Variants in NOMO3 observed in about 807,000 individuals in gnomAD.
NOMO3 encodes BOS complex subunit NOMO3.
In NOMO3, 15 loss-of-function variants were observed where a neutral mutation model predicts 69.9. The ratio of observed to expected loss-of-function variants is 0.21; its 90% CI spans 0.14 to 0.33. The LOEUF is 0.33. Among genes scored for constraint, NOMO3 ranks in the 10% least tolerant of loss-of-function variants. The probability of loss-of-function intolerance (pLI) is 1.00; values close to 1 mark genes in which losing one functional copy is unlikely to be tolerated. For missense variants in NOMO3, 218 were observed against 761.0 expected (o/e 0.29, Z 8.39); for synonymous variants, 89 against 301.9 (o/e 0.29, Z 7.31).
At position 16,232,606 on chromosome 16, in the gene NOMO3, G is replaced by T. The variant is rs2049289989; in HGVS notation, c.-61G>T. 5.0e-6 allele frequency: 2 copies of T among 403,400 alleles called. No homozygotes were observed. Among genetic ancestry groups the T allele is most frequent in the Non-Finnish European group, 8.7e-6 (2 of 229,632 alleles). 25.0% of individuals were successfully genotyped at this position (403,400 alleles called of 1,614,324 possible). On this transcript the variant is annotated 5_prime_UTR_variant, in exon 1 of 31. Transcript: ENST00000399336. ...CTAGGAGGAGGAAGGAGCCTGCGGC[G>T]TGCAGTGTGAGGGGCGGGACCCGGC... is the stretch of plus-strand genomic sequence containing the variant.
chr16:16,240,390 C>T (rs543009646), intron 3 of NOMO3, among the ~76,000 whole-genome samples: 1,789 of 144,672 alleles, frequency 0.012, 80 homozygotes, highest in Non-Finnish European at 0.019. Context: ...TTACTTCCCC[C>T]GTGTCAGCCT....
Position 16,263,173 on chromosome 16 carries a change from G to A in NOMO3, c.1495G>A (p.Val499Ile), listed in dbSNP as rs2049579113. The A allele has an allele frequency of 4.4e-6, 7 of 1,592,298 alleles. 2 individuals carry two copies. In the African/African-American group the frequency reaches 6.2e-5, roughly 14 times the overall value. ...TDRPVMDVAFVQFLASVSGKV... is the reference protein window; with the variant it reads ...TDRPVMDVAFIQFLASVSGKV... ...CAGGCCTGTGATGGATGTGGCCTTT[G>A]TACAGTTCTTGGCATCAGTTTCTGG... Residue 499 changes from valine to isoleucine, a missense_variant, in exon 13 of 31, where the codon GTA becomes ATA. Transcript: ENST00000399336.
intron 1 of NOMO3, among the ~76,000 whole-genome samples, chr16:16,234,165 G>T (rs2049306578): frequency 6.6e-6 from 1 of 151,898 alleles, no homozygotes; most frequent in Non-Finnish European, 1.5e-5. Context: ...ACATGTTTCT[G>T]GGTGCCCATG....
intron 13 of NOMO3, 24 bp downstream of exon 13, chr16:16,263,239 A>G: frequency 6.3e-7 from 1 of 1,594,926 alleles, no homozygotes; most frequent in Non-Finnish European, 8.5e-7. Flanking sequence ...GGAAAGTAAG[A>G]ACACATAGTT....
chr16:16,259,582 C>T (rs1276953596), intron 11 of NOMO3, among the ~76,000 whole-genome samples: 2 of 109,722 alleles, frequency 1.8e-5, no homozygotes, highest in African/African-American at 5.0e-5. Flanking sequence ...CCACCCGCCT[C>T]GGCTTCCCAA....
chr16:16,254,353 A>C lies in NOMO3; in HGVS notation c.964-1367A>C, dbSNP rs2049491602. Among the ~76,000 whole-genome samples, 2 of 143,666 alleles carry C rather than the reference A, an allele frequency of 1.4e-5. 1 individual carries two copies. The highest frequency in any genetic ancestry group is 1.3e-4 in the Admixed American group (2 of 14,892). 94.3% of individuals were successfully genotyped at this position (143,666 alleles called of 152,430 possible). ...CTGGCACATAGTAGGTGCCCAGCAA[A>C]AATATTTGTTGCGTACATATGTGAA... On this transcript the variant is annotated intron_variant, in intron 9 of 30. Transcript: ENST00000399336.
Position 16,243,446 on chromosome 16 carries a change from A to G in NOMO3, c.402+185A>G, listed in dbSNP as rs1030094099. 4.9e-5 allele frequency among the ~76,000 whole-genome samples: 7 copies of G among 143,626 alleles called. 2 individuals are homozygous for G. Among genetic ancestry groups the G allele is most frequent in the African/African-American group, 2.0e-4 (7 of 35,280 alleles). 94.2% of individuals were successfully genotyped at this position (143,626 alleles called of 152,430 possible). On this transcript the variant is annotated intron_variant, in intron 4 of 30. Coordinates refer to ENST00000399336, the MANE Select transcript of NOMO3 (RefSeq NM_001004067.4). ...GTAGAACACAGCAGGTGTATTTAGG[A>G]ATGAGATTGAGGTTGCTGGTCATCC... is the stretch of plus-strand genomic sequence containing the variant.
intron 6 of NOMO3, among the ~76,000 whole-genome samples, chr16:16,248,395 C>CTTTTT (rs1243080622): frequency 3.1e-5 from 2 of 65,322 alleles, no homozygotes; most frequent in Non-Finnish European, 3.0e-5. Context: ...CAGATACAGT[C>CTTTTT]TTTTTTTTTT....
At chr16:16,260,646 G>A (rs420910) in intron 11 of NOMO3, among the ~76,000 whole-genome samples, 322 of 137,602 alleles carry the variant, frequency 2.3e-3, no homozygotes, top group Middle Eastern at 3.6e-3. Context: ...CTTTATGTCA[G>A]AAGTAACTAA....
At chr16:16,245,624 G>A (rs552669895) in intron 5 of NOMO3, among the ~76,000 whole-genome samples, 1 of 133,660 alleles carries the variant, frequency 7.5e-6, no homozygotes, top group African/African-American at 3.3e-5. Context: ...TCGGGAGGCT[G>A]AGGCGGGAGG....
Position 16,261,561 on chromosome 16 carries a change from A to T in NOMO3, c.1280A>T (p.Asn427Ile). The T allele has an allele frequency of 6.3e-7, 1 of 1,587,920 alleles. No homozygotes were observed. Among genetic ancestry groups the T allele is most frequent in the Non-Finnish European group, 8.5e-7 (1 of 1,176,678 alleles). Reference sequence around the variant, plus strand: ...TTCCCCGACACCGTCAAGCAGATGAATAAATACAAAGTTGTCCTGTCATCT... The same window carrying T: ...TTCCCCGACACCGTCAAGCAGATGATTAAATACAAAGTTGTCCTGTCATCT... The part of the protein sequence containing the change: ...IRFPDTVKQM[N>I]KYKVVLSSQD... Residue 427 changes from asparagine to isoleucine, a missense_variant, in exon 12 of 31, where the codon AAT (asparagine) becomes ATT (isoleucine). Asn to Ile is a moderately radical substitution (Grantham distance 149, BLOSUM62 -3). Coordinates refer to ENST00000399336, the MANE Select transcript of NOMO3 (RefSeq NM_001004067.4).
intron 1 of NOMO3, 83 bp downstream of exon 1, chr16:16,232,914 C>T (rs2049294685): frequency 6.5e-6 from 1 of 153,630 alleles, no homozygotes; most frequent in Non-Finnish European, 1.0e-5. Context: ...TCGTCTCTGA[C>T]ACCGGGCGGT....
chr16:16,260,441 G>A (rs1289216426), intron 11 of NOMO3, among the ~76,000 whole-genome samples: 2 of 141,376 alleles, frequency 1.4e-5, no homozygotes, highest in Non-Finnish European at 3.0e-5. Flanking sequence ...GACCCATGCT[G>A]GAGATAGTGA....
chr16:16,241,926 A>G (rs2049377084), intron 3 of NOMO3, among the ~76,000 whole-genome samples: 1 of 143,178 alleles, frequency 7.0e-6, no homozygotes, highest in South Asian at 2.2e-4. Flanking sequence ...GGTGTTTGCA[A>G]ACATCCAAAG....
chr16:16,269,523 G>T, intron 16 of NOMO3, among the ~76,000 whole-genome samples: 1 of 131,088 alleles, frequency 7.6e-6, no homozygotes, highest in African/African-American at 3.3e-5. Context: ...TCAGGTTTTT[G>T]TAGGAAGTGT....
chr16:16,242,907 A>G (rs1219080629), intron 3 of NOMO3, among the ~76,000 whole-genome samples: 1 of 142,680 alleles, frequency 7.0e-6, no homozygotes, highest in Non-Finnish European at 1.5e-5. Context: ...TTGTAAAATT[A>G]TTTTATACTC....
Position 16,232,601 on chromosome 16 carries a change from G to A in NOMO3, c.-66G>A. 2 of 405,294 alleles carry A rather than the reference G, an allele frequency of 4.9e-6. No homozygotes were observed. Among genetic ancestry groups the A allele is most frequent in the Non-Finnish European group, 8.7e-6 (2 of 230,778 alleles). 25.1% of individuals were successfully genotyped at this position (405,294 alleles called of 1,614,324 possible). A position where few individuals can be genotyped will look rare whatever the true frequency, so the allele number is the denominator to read the frequency against. On this transcript the variant is annotated 5_prime_UTR_variant, in exon 1 of 31. Transcript: ENST00000399336. ...CCGGCCTAGGAGGAGGAAGGAGCCT[G>A]CGGCGTGCAGTGTGAGGGGCGGGAC...
chr16:16,238,649 A>G (rs1476500537), intron 2 of NOMO3, among the ~76,000 whole-genome samples: 2 of 143,096 alleles, frequency 1.4e-5, no homozygotes, highest in Non-Finnish European at 3.0e-5. Flanking sequence ...AGTAATTTTA[A>G]CATAACACAC....
intron 2 of NOMO3, 118 bp downstream of exon 2, chr16:16,237,108 G>A (rs2049332766): frequency 2.2e-6 from 3 of 1,344,744 alleles, no homozygotes; most frequent in Non-Finnish European, 3.1e-6. Context: ...AATTATTAGT[G>A]GAATATGATA....
Sources: gnomAD v4.1 joint callset for allele counts (sites outside exome capture counted in the v4.1 genomes callset) on GRCh38, gnomAD v4.1.1 for gene constraint, MANE v1.5 for transcripts, NCBI Gene and HGNC (gene_info 2026-07-23, HGNC 2026-07-21) for gene names.